Variants in PTGER3 observed in about 807,000 individuals in gnomAD.
PTGER3 encodes prostaglandin E2 receptor EP3 subtype.
Under a neutral mutation model 34.7 loss-of-function variants are expected in PTGER3, and 22 were observed. That is an observed-to-expected ratio of 0.63 (90% CI 0.45 to 0.91). The LOEUF is 0.91. Ranked by LOEUF, PTGER3 falls within the 40% of genes least tolerant of loss-of-function variation. PTGER3 has a pLI of 0.00. For missense variants in PTGER3, 468 were observed against 519.4 expected, an observed-to-expected ratio of 0.90 and a Z score of 0.96; for synonymous variants, 241 against 230.1, an observed-to-expected ratio of 1.05 and a Z score of -0.43.
downstream of PTGER3, among the ~76,000 whole-genome samples, chr1:70,948,010 T>C (rs1441253748): frequency 6.6e-6 from 1 of 152,196 alleles, no homozygotes; most frequent in Non-Finnish European, 1.5e-5. Context: ...GATTTCATCA[T>C]GGCTTTTAGC....
chr1:70,939,974 C>G (rs184413725), intron 4 of PTGER3, among the ~76,000 whole-genome samples: 8 of 152,184 alleles, frequency 5.3e-5, no homozygotes, highest in Non-Finnish European at 1.2e-4. Context: ...TCTTTTCTAT[C>G]ACATAGTCAG....
chr1:71,018,943 A>G lies in PTGER3; in HGVS notation c.898-6459T>C, dbSNP rs1041290756. Among the ~76,000 whole-genome samples the G allele has an allele frequency of 6.6e-5, 10 of 152,278 alleles. No individual in the cohort carries two copies. In the East Asian group the frequency reaches 9.7e-4, roughly 15 times the overall value. The stretch of plus-strand genomic sequence containing the variant: ...TTCCCCAGAAATCATGAGATGTGCA[A>G]TATAGAGATAATTGGAATTAGAAGC... On this transcript the variant is annotated intron_variant, in intron 1 of 3. Transcript: ENST00000306666.
intron 4 of PTGER3, among the ~76,000 whole-genome samples, chr1:70,855,255 A>G (rs1203765966): frequency 1.3e-5 from 2 of 152,236 alleles, no homozygotes; most frequent in Admixed American, 6.5e-5. Flanking sequence ...TTCCACCTGT[A>G]TAAGGCATCT....
chr1:70,946,843 G>A (rs1572723185), intron 4 of PTGER3, among the ~76,000 whole-genome samples: 1 of 152,252 alleles, frequency 6.6e-6, no homozygotes, highest in East Asian at 1.9e-4. Flanking sequence ...AGATATGCAT[G>A]CTCACAGGTC....
At chr1:70,917,446 C>CGTGTGTGT (rs1557653574) in intron 4 of PTGER3, among the ~76,000 whole-genome samples, 1 of 81,636 alleles carries the variant, frequency 1.2e-5, no homozygotes, top group Admixed American at 1.2e-4. Flanking sequence ...TGTGTGTATA[C>CGTGTGTGT]AATCAATTCC....
chr1:70,944,738 G>GCTA (rs543234933), intron 4 of PTGER3, among the ~76,000 whole-genome samples: 2 of 152,186 alleles, frequency 1.3e-5, no homozygotes, highest in Non-Finnish European at 2.9e-5. Context: ...GATGAAAAAT[G>GCTA]CTACCTATTG....
intron 2 of PTGER3, among the ~76,000 whole-genome samples, chr1:70,982,783 T>G (rs78198589): frequency 0.068 from 10,329 of 151,998 alleles, 493 homozygotes; most frequent in Middle Eastern, 0.12. Context: ...AATTTCACTG[T>G]TTTTTCATTT....
chr1:71,001,374 A>C (rs1407532706), intron 2 of PTGER3, among the ~76,000 whole-genome samples: 1 of 152,180 alleles, frequency 6.6e-6, no homozygotes, highest in Non-Finnish European at 1.5e-5. Flanking sequence ...AGGATTTAGC[A>C]GTTAGGATGA....
At chr1:70,866,984 C>T (rs1361435735) in intron 4 of PTGER3, among the ~76,000 whole-genome samples, 1 of 152,244 alleles carries the variant, frequency 6.6e-6, no homozygotes, top group Non-Finnish European at 1.5e-5. Context: ...AACAGCTCTG[C>T]TCAAAGCATG....
chr1:71,005,954 C>T, intron 2 of PTGER3: 2 of 572,386 alleles, frequency 3.5e-6, no homozygotes, highest in Non-Finnish European at 4.4e-6. Flanking sequence ...ATAATGTATA[C>T]TGGTCAGATG....
At chr1:70,985,400 T>C (rs1654821207) in intron 2 of PTGER3, among the ~76,000 whole-genome samples, 1 of 152,120 alleles carries the variant, frequency 6.6e-6, no homozygotes, top group South Asian at 2.1e-4. Flanking sequence ...TTGCTATTGT[T>C]GGAGGCCAAA....
downstream of PTGER3, among the ~76,000 whole-genome samples, chr1:70,969,875 C>T (rs1019580394): frequency 2.0e-5 from 3 of 152,192 alleles, no homozygotes; most frequent in Admixed American, 1.3e-4. Context: ...TTCTGAGGAT[C>T]TATCGTGTAA....
rs149821432 is a variant in PTGER3, at chr1:70,946,742, A to G, written c.*23+7021T>C. Among the ~76,000 whole-genome samples the G allele has an allele frequency of 7.3e-3, 1,108 of 152,190 alleles. 15 individuals carry two copies. The highest frequency in any genetic ancestry group is 0.026 in the African/African-American group (1,063 of 41,542). On this transcript the variant is annotated intron_variant, in intron 4 of 4. Transcript: ENST00000370931. ...CCGGAACTTCTGCTATAGGTTTTCT[A>G]TTTGACACTTCTATTTCCAATTGGA...
chr1:71,023,892 C>G (rs564785980), intron 1 of PTGER3, among the ~76,000 whole-genome samples: 1 of 151,800 alleles, frequency 6.6e-6, no homozygotes, highest in Non-Finnish European at 1.5e-5. Flanking sequence ...AGGTCTCCAT[C>G]GTCTCTTGTC....
At chr1:71,039,431 A>G (rs1258174313) in intron 1 of PTGER3, among the ~76,000 whole-genome samples, 2 of 152,024 alleles carry the variant, frequency 1.3e-5, no homozygotes, top group Non-Finnish European at 2.9e-5. Context: ...TGGATGGATC[A>G]TGAGGTCAGG....
chr1:70,921,725 C>T (rs950966463), intron 4 of PTGER3, among the ~76,000 whole-genome samples: 5 of 152,110 alleles, frequency 3.3e-5, no homozygotes, highest in Non-Finnish European at 5.9e-5. Flanking sequence ...GGAGCTTGAC[C>T]TTGTAACCAG....
At chr1:70,953,729 T>G (rs1318331725) in intron 3 of PTGER3, 1 of 1,537,800 alleles carries the variant, frequency 6.5e-7, no homozygotes, top group African/African-American at 1.4e-5. Context: ...TGGATTCAAA[T>G]GCAACTAGTT....
chr1:70,922,812 G>A (rs1037399995), intron 4 of PTGER3, among the ~76,000 whole-genome samples: 1 of 152,152 alleles, frequency 6.6e-6, no homozygotes, highest in Non-Finnish European at 1.5e-5. Context: ...TTTTAAGTTA[G>A]AATAAAGCTG....
At chr1:71,006,711 A>G (rs1408799721) in intron 2 of PTGER3, 1 of 985,002 alleles carries the variant, frequency 1.0e-6, no homozygotes, top group Non-Finnish European at 1.2e-6. Flanking sequence ...AAAATGATCT[A>G]ATTTTTCCAG....
Sources: gnomAD v4.1 joint callset for allele counts (sites outside exome capture counted in the v4.1 genomes callset) on GRCh38, gnomAD v4.1.1 for gene constraint, MANE v1.5 for transcripts, NCBI Gene and HGNC (gene_info 2026-07-23, HGNC 2026-07-21) for gene names.